SNX9: variants seen among roughly 807,000 people sequenced by gnomAD.
SNX9 encodes sorting nexin-9.
A neutral mutation model predicts 89.4 loss-of-function variants in SNX9; 44 were observed. The observed-to-expected ratio is 0.49, with a 90% CI of 0.39 to 0.63. SNX9 has a LOEUF of 0.63. Ranked by LOEUF, SNX9 falls within the 30% of genes least tolerant of loss-of-function variation. The probability of loss-of-function intolerance (pLI) is 0.00; values close to 1 mark genes in which losing one functional copy is unlikely to be tolerated. For missense variants in SNX9, 578 were observed against 736.1 expected (o/e 0.79, Z 2.49); for synonymous variants, 236 against 247.8 (o/e 0.95, Z 0.45).
intron 12 of SNX9, among the ~76,000 whole-genome samples, chr6:157,928,924 G>T (rs777536054): frequency 6.6e-6 from 1 of 152,082 alleles, no homozygotes; most frequent in Admixed American, 6.5e-5. Context: ...GGAACACCAC[G>T]TTCACTTAAT....
intron 12 of SNX9, among the ~76,000 whole-genome samples, chr6:157,929,880 A>G (rs1481835953): frequency 1.3e-5 from 2 of 152,252 alleles, no homozygotes; most frequent in African/African-American, 4.8e-5. Context: ...TGAAAATCCA[A>G]AGCCTTACAT....
rs142271394 is a variant in SNX9, at chr6:157,850,982, G to A, written c.13-16565G>A. 5.8e-3 allele frequency among the ~76,000 whole-genome samples: 876 copies of A among 152,196 alleles called. 12 individuals carry two copies. Among genetic ancestry groups the A allele is most frequent in the African/African-American group, 0.02 (828 of 41,532 alleles). On this transcript the variant is annotated intron_variant, in intron 1 of 17. Transcript: ENST00000392185. Reference sequence around the variant, plus strand: ...TTTGAAAATAGTGATAAGGCTGGGCGTGGTGGCTCATGCCTGTAATCCCAG... The same window carrying A: ...TTTGAAAATAGTGATAAGGCTGGGCATGGTGGCTCATGCCTGTAATCCCAG...
intron 14 of SNX9, among the ~76,000 whole-genome samples, chr6:157,936,407 G>A (rs988248668): frequency 2.6e-5 from 4 of 152,170 alleles, no homozygotes; most frequent in African/African-American, 7.2e-5. Flanking sequence ...TACTCGGGAG[G>A]CTGAGGTAGG....
At chr6:157,918,342 T>C (rs750993388) in intron 9 of SNX9, among the ~76,000 whole-genome samples, 15 of 152,174 alleles carry the variant, frequency 9.9e-5, no homozygotes, top group Non-Finnish European at 2.2e-4. Context: ...TGACCTCTTA[T>C]ATCATGAGGT....
chr6:157,890,513 G>A (rs1032820248), intron 4 of SNX9, among the ~76,000 whole-genome samples: 18 of 152,218 alleles, frequency 1.2e-4, no homozygotes, highest in Non-Finnish European at 2.2e-4. Flanking sequence ...GCCTAAAGGG[G>A]CATTTGATTT....
intron 12 of SNX9, 117 bp downstream of exon 12, chr6:157,928,819 C>A: frequency 1.4e-6 from 1 of 700,416 alleles, no homozygotes; most frequent in Non-Finnish European, 2.2e-6. Context: ...TGGTGGACGG[C>A]AGTAATGTCC....
At chr6:157,837,518 T>TGTG (rs1369150600) in intron 1 of SNX9, among the ~76,000 whole-genome samples, 1 of 152,226 alleles carries the variant, frequency 6.6e-6, no homozygotes, top group East Asian at 1.9e-4. Flanking sequence ...ATGTTATTTG[T>TGTG]GTGGTAAGTA....
chr6:157,839,205 G>A (rs984849362), intron 1 of SNX9, among the ~76,000 whole-genome samples: 1 of 152,124 alleles, frequency 6.6e-6, no homozygotes, highest in Admixed American at 6.6e-5. Flanking sequence ...ATATGTGTGT[G>A]GGGATGTATA....
At chr6:157,851,896 C>T (rs576061698) in intron 1 of SNX9, among the ~76,000 whole-genome samples, 1 of 152,188 alleles carries the variant, frequency 6.6e-6, no homozygotes, top group Admixed American at 6.5e-5. Flanking sequence ...GCCTGTTTGT[C>T]CTTTTGTGTC....
chr6:157,928,072 A>G (rs1391513740), intron 11 of SNX9, among the ~76,000 whole-genome samples: 1 of 152,128 alleles, frequency 6.6e-6, no homozygotes, highest in African/African-American at 2.4e-5. Context: ...ATGACCTCAC[A>G]CTAGACATTT....
intron 4 of SNX9, among the ~76,000 whole-genome samples, chr6:157,878,597 T>C (rs1027533653): frequency 6.6e-6 from 1 of 152,036 alleles, no homozygotes; most frequent in Non-Finnish European, 1.5e-5. Context: ...TACGCCCAGG[T>C]AATTTTTGTA....
chr6:157,878,758 A>G (rs1434276307), intron 4 of SNX9, among the ~76,000 whole-genome samples: 2 of 152,232 alleles, frequency 1.3e-5, no homozygotes, highest in Non-Finnish European at 2.9e-5. Context: ...CATTAAGGAT[A>G]TAATTGATAC....
At chr6:157,930,965 G>A (rs1488128846) in intron 12 of SNX9, among the ~76,000 whole-genome samples, 1 of 151,986 alleles carries the variant, frequency 6.6e-6, no homozygotes, top group Non-Finnish European at 1.5e-5. Context: ...TAAAAATTTG[G>A]GATTATGATA....
intron 1 of SNX9, among the ~76,000 whole-genome samples, chr6:157,850,605 T>C (rs898339270): frequency 2.0e-5 from 3 of 152,160 alleles, no homozygotes; most frequent in Non-Finnish European, 2.9e-5. Flanking sequence ...TTTTCCACTT[T>C]CTGAAGTTGG....
At chr6:157,915,862 A>T (rs2115186251) in intron 9 of SNX9, among the ~76,000 whole-genome samples, 1 of 145,018 alleles carries the variant, frequency 6.9e-6, no homozygotes, top group South Asian at 2.2e-4. Flanking sequence ...ATTTCATTGG[A>T]GAGTTGTATT....
At chr6:157,916,848 T>C (rs1396274901) in intron 9 of SNX9, among the ~76,000 whole-genome samples, 1 of 152,216 alleles carries the variant, frequency 6.6e-6, no homozygotes, top group East Asian at 1.9e-4. Context: ...GAGGATTTGG[T>C]TCACGATGGT....
rs1324100922 is a variant in SNX9 at position 157,927,104 on chromosome 6, T to C, written c.1081-7T>C. The C allele has an allele frequency of 6.2e-7, 1 of 1,611,640 alleles. No individual in the cohort carries two copies. Among genetic ancestry groups the C allele is most frequent in the Non-Finnish European group, 8.5e-7 (1 of 1,177,752 alleles). On this transcript the variant is annotated splice_polypyrimidine_tract_variant and splice_region_variant and intron_variant, in intron 10 of 17. Transcript: ENST00000392185. ...CCACTTGAACCTTACAACATTCTCA[T>C]TTACAGGAATGGAAAACTGGAAAGA...
chr6:157,891,117 C>T (rs1385293069), intron 4 of SNX9, among the ~76,000 whole-genome samples: 1 of 150,300 alleles, frequency 6.7e-6, no homozygotes, highest in Non-Finnish European at 1.5e-5. Flanking sequence ...CTGCAACCTC[C>T]GCCTTCCAGG....
intron 9 of SNX9, among the ~76,000 whole-genome samples, chr6:157,915,165 T>C (rs1783435153): frequency 1.3e-5 from 2 of 152,210 alleles, no homozygotes; most frequent in African/African-American, 2.4e-5. Flanking sequence ...GTCCATCCTT[T>C]TCGCTAGTCC....
Sources: gnomAD v4.1 joint callset for allele counts (sites outside exome capture counted in the v4.1 genomes callset) on GRCh38, gnomAD v4.1.1 for gene constraint, MANE v1.5 for transcripts, NCBI Gene and HGNC (gene_info 2026-07-23, HGNC 2026-07-21) for gene names.